ZBTB16: variants seen among roughly 807,000 people sequenced by gnomAD.
ZBTB16 encodes zinc finger and BTB domain-containing protein 16.
ZBTB16 carries 8 observed loss-of-function variants against 56.8 expected under a neutral mutation model. The ratio of observed to expected loss-of-function variants is 0.14; its 90% CI spans 0.08 to 0.25. The LOEUF is 0.25. ZBTB16 is among the 10% of genes least tolerant of loss of function. ZBTB16 has a pLI of 1.00. For missense variants in ZBTB16, 625 were observed against 903.0 expected, an observed-to-expected ratio of 0.69 and a Z score of 3.95; for synonymous variants, 363 against 368.5, an observed-to-expected ratio of 0.98 and a Z score of 0.17.
At chr11:114,147,089 C>T (rs1942127954) in intron 2 of ZBTB16, among the ~76,000 whole-genome samples, 1 of 152,142 alleles carries the variant, frequency 6.6e-6, no homozygotes, top group South Asian at 2.1e-4. Flanking sequence ...GCTCAGAATC[C>T]TCATAGAAAA....
At chr11:114,066,222 C>A (rs1394667881) in intron 2 of ZBTB16, among the ~76,000 whole-genome samples, 4 of 152,168 alleles carry the variant, frequency 2.6e-5, no homozygotes, top group Non-Finnish European at 5.9e-5. Context: ...GATCTCATCA[C>A]CCCTAGCCGG....
At chr11:114,122,814 G>A (rs944310205) in intron 2 of ZBTB16, among the ~76,000 whole-genome samples, 2 of 152,192 alleles carry the variant, frequency 1.3e-5, no homozygotes, top group Non-Finnish European at 1.5e-5. Flanking sequence ...GTCTGATGCA[G>A]CTTGGATAGT....
intron 4 of ZBTB16, among the ~76,000 whole-genome samples, chr11:114,221,344 A>T (rs941461650): frequency 6.6e-6 from 1 of 152,222 alleles, no homozygotes. Flanking sequence ...CCTAAATCAG[A>T]TCACTGGGGT....
At position 114,186,954 on chromosome 11, in the gene ZBTB16, G is replaced by C; in HGVS notation, c.1369G>C (p.Gly457Arg). Reference sequence around the variant, plus strand: ...TAACTGCCTCTCCTTTCTTTCAGCGGGTGCCAAAGCCTTTGTCTGTGATCA... The same window carrying C: ...TAACTGCCTCTCCTTTCTTTCAGCGCGTGCCAAAGCCTTTGTCTGTGATCA... Reference protein sequence around the residue: ...LRMHLLAHSAGAKAFVCDQCG... With the variant: ...LRMHLLAHSARAKAFVCDQCG... The change falls in exon 4 of 7, where the codon GGT becomes CGT. Residue 457 changes from glycine to arginine, a missense_variant and splice_region_variant. Transcript: ENST00000335953. The C allele has an allele frequency of 6.2e-7, 1 of 1,614,008 alleles. No homozygotes were observed. Among genetic ancestry groups the C allele is most frequent in the Non-Finnish European group, 8.5e-7 (1 of 1,180,028 alleles).
At chr11:114,123,450 G>A (rs776207820) in intron 2 of ZBTB16, among the ~76,000 whole-genome samples, 7 of 152,048 alleles carry the variant, frequency 4.6e-5, no homozygotes, top group Non-Finnish European at 8.8e-5. Context: ...CCTGCTGTGC[G>A]TGTGTGTATC....
intron 4 of ZBTB16, among the ~76,000 whole-genome samples, chr11:114,210,221 T>A (rs1943973725): frequency 6.6e-6 from 1 of 150,962 alleles, no homozygotes; most frequent in Non-Finnish European, 1.5e-5. Flanking sequence ...AGTTTGTGAG[T>A]GTCGGGTTCC....
chr11:114,099,204 G>A (rs1224078674), intron 2 of ZBTB16, among the ~76,000 whole-genome samples: 1 of 152,156 alleles, frequency 6.6e-6, no homozygotes, highest in Non-Finnish European at 1.5e-5. Context: ...CTGGGGGAGA[G>A]AGAGGTGCTA....
chr11:114,191,769 T>C (rs984498814), intron 4 of ZBTB16, among the ~76,000 whole-genome samples: 21 of 150,124 alleles, frequency 1.4e-4, no homozygotes, highest in African/African-American at 4.1e-4. Flanking sequence ...TATACACACA[T>C]GCATGCACGC....
At chr11:114,238,316 A>C (rs1468972032) in intron 4 of ZBTB16, among the ~76,000 whole-genome samples, 1 of 152,202 alleles carries the variant, frequency 6.6e-6, no homozygotes, top group Non-Finnish European at 1.5e-5. Flanking sequence ...CGTCTTAGTC[A>C]AGTCAGGCTG....
chr11:114,107,984 A>G (rs1457026141), intron 2 of ZBTB16, among the ~76,000 whole-genome samples: 1 of 150,596 alleles, frequency 6.6e-6, no homozygotes, highest in Non-Finnish European at 1.5e-5. Flanking sequence ...TCCCACCTTT[A>G]TTATGATGAT....
chr11:114,088,768 G>C (rs758989951), intron 2 of ZBTB16, among the ~76,000 whole-genome samples: 41 of 152,366 alleles, frequency 2.7e-4, no homozygotes, highest in Non-Finnish European at 3.5e-4. Context: ...TTAAAGCAGA[G>C]TCATCTTTGC....
intron 3 of ZBTB16, among the ~76,000 whole-genome samples, chr11:114,181,952 A>G (rs1943259912): frequency 6.6e-6 from 1 of 152,248 alleles, no homozygotes; most frequent in East Asian, 1.9e-4. Context: ...GCCTTGCTCT[A>G]TGCAGATGTC....
Position 114,198,016 on chromosome 11 carries a change from C to T in ZBTB16, c.1453+10978C>T, listed in dbSNP as rs1161264301. Among the ~76,000 whole-genome samples, 8 of 139,010 alleles carry T rather than the reference C, an allele frequency of 5.8e-5. No homozygotes were observed. In the Admixed American group the frequency reaches 5.8e-4, roughly 10 times the overall value. 91.2% of individuals were successfully genotyped at this position (139,010 alleles called of 152,430 possible). On this transcript the variant is annotated intron_variant, in intron 4 of 6. Transcript: ENST00000335953. ...TGACAAATAACTTAATCTACCTAAACTTTACATGAAAAAAAAAAAAAATCC... is the reference window on the plus strand; with the variant it reads ...TGACAAATAACTTAATCTACCTAAATTTTACATGAAAAAAAAAAAAAATCC...
chr11:114,133,103 A>C (rs148142310), intron 2 of ZBTB16, among the ~76,000 whole-genome samples: 2 of 151,972 alleles, frequency 1.3e-5, no homozygotes, highest in African/African-American at 4.8e-5. Flanking sequence ...TAACCTTCCA[A>C]ATCTCGCCAA....
At position 114,253,960 on chromosome 11, in the gene ZBTB16, C is replaced by T. The variant is rs957573331; in HGVS notation, c.*3405C>T. 5.3e-5 allele frequency among the ~76,000 whole-genome samples: 8 copies of T among 152,130 alleles called. No individual in the cohort carries two copies. The highest frequency in any genetic ancestry group is 1.3e-4 in the Admixed American group (2 of 15,274). The stretch of plus-strand genomic sequence containing the variant: ...CTTTAGCTGTGGTACTGCTGACAAC[C>T]CTGCTTGCTACTGCCTTATCCAGCA... On this transcript the variant is annotated 3_prime_UTR_variant, in exon 7 of 7. Transcript: ENST00000335953.
rs1268805961 is a variant in ZBTB16 at position 114,255,581 on chromosome 11, T to G, written c.*5026T>G. On this transcript the variant is annotated 3_prime_UTR_variant, in exon 7 of 7. Transcript: ENST00000335953. Reference sequence around the variant, plus strand: ...CCCAGCCCACTTCCCCGAGTTGTGCTTGCCGCTCCTTATCTGTTCTAGTTC... The same window carrying G: ...CCCAGCCCACTTCCCCGAGTTGTGCGTGCCGCTCCTTATCTGTTCTAGTTC... 6.6e-6 allele frequency among the ~76,000 whole-genome samples: 1 copy of G among 151,846 alleles called. No individual in the cohort carries two copies. The highest frequency in any genetic ancestry group is 2.4e-5 in the African/African-American group (1 of 41,296).
chr11:114,211,716 C>T lies in ZBTB16; in HGVS notation c.1453+24678C>T, dbSNP rs538472650. ...TCTTTGCAGTGATTTTCAGAGTCCCCGTTTGCGTTCGCAGTGGGGAGTTTG... is the reference window on the plus strand; with the variant it reads ...TCTTTGCAGTGATTTTCAGAGTCCCTGTTTGCGTTCGCAGTGGGGAGTTTG... On this transcript the variant is annotated intron_variant, in intron 4 of 6. Transcript: ENST00000335953. Among the ~76,000 whole-genome samples, 24 of 152,280 alleles carry T rather than the reference C, an allele frequency of 1.6e-4. 1 individual carries two copies. In the South Asian group the frequency reaches 1.9e-3, roughly 12 times the overall value.
chr11:114,214,707 GATTCTCAT>G (rs1395366292), intron 4 of ZBTB16, among the ~76,000 whole-genome samples: 1 of 152,126 alleles, frequency 6.6e-6, no homozygotes, highest in African/African-American at 2.4e-5. Context: ...GGGTTCAAGC[GATTCTCAT>G]ACTTTAGCCT....
intron 4 of ZBTB16, among the ~76,000 whole-genome samples, chr11:114,228,364 C>T (rs1436396162): frequency 1.3e-5 from 2 of 152,148 alleles, no homozygotes; most frequent in Admixed American, 6.5e-5. Flanking sequence ...TAAAGTCTAC[C>T]GGTGACCAAG....
Sources: allele counts gnomAD v4.1 joint callset (sites outside exome capture counted in the v4.1 genomes callset), GRCh38; gene constraint gnomAD v4.1.1; transcripts MANE v1.5; gene names NCBI Gene and HGNC (gene_info 2026-07-23, HGNC 2026-07-21).